The following FHIT variants were observed in gnomAD, a reference collection of about 807,000 sequenced individuals.
FHIT encodes fragile histidine triad diadenosine triphosphatase.
In FHIT, 19 loss-of-function variants were observed where a neutral mutation model predicts 17.9. That is an observed-to-expected ratio of 1.06 (90% CI 0.74 to 1.56). FHIT has a LOEUF of 1.56. FHIT is among the 40% of genes most tolerant of loss of function. FHIT has a pLI of 0.00. For missense variants in FHIT, 248 were observed against 189.2 expected (o/e 1.31, Z -1.82); for synonymous variants, 81 against 69.7 (o/e 1.16, Z -0.81).
chr3:60,557,950 A>G (rs1230668752), intron 4 of FHIT, among the ~76,000 whole-genome samples: 1 of 152,108 alleles, frequency 6.6e-6, no homozygotes, highest in African/African-American at 2.4e-5. Context: ...CATTGCAAAA[A>G]TGAGGAAGGA....
intron 3 of FHIT, among the ~76,000 whole-genome samples, chr3:60,840,627 G>T (rs1295017589): frequency 6.6e-6 from 1 of 152,150 alleles, no homozygotes; most frequent in East Asian, 1.9e-4. Context: ...ATTTAGAATT[G>T]ATTGTACACT....
intron 4 of FHIT, among the ~76,000 whole-genome samples, chr3:60,611,206 A>G (rs1553673408): frequency 6.6e-6 from 1 of 152,204 alleles, no homozygotes; most frequent in African/African-American, 2.4e-5. Flanking sequence ...AGCATGGGCT[A>G]GAAACCTGGA....
Position 60,391,009 on chromosome 3 carries a change from G to C in FHIT, c.103+145851C>G, listed in dbSNP as rs371998759. Among the ~76,000 whole-genome samples the C allele has an allele frequency of 1.2e-3, 179 of 152,112 alleles. 1 individual carries two copies. The highest frequency in any genetic ancestry group is 3.9e-3 in the African/African-American group (163 of 41,510). On this transcript the variant is annotated intron_variant, in intron 5 of 9. Transcript: ENST00000492590. ...AGCCTGGCCAACATGGTGAAACCTT[G>C]TGTGTATGTGTGTACTACAAATATA...
chr3:61,046,035 C>T (rs1169154048), intron 2 of FHIT, among the ~76,000 whole-genome samples: 2 of 152,054 alleles, frequency 1.3e-5, no homozygotes, highest in African/African-American at 4.8e-5. Context: ...CAAGAGAAAA[C>T]AGGAAAAACC....
intron 2 of FHIT, among the ~76,000 whole-genome samples, chr3:61,170,691 A>G (rs1383359874): frequency 6.6e-6 from 1 of 152,210 alleles, no homozygotes; most frequent in East Asian, 1.9e-4. Context: ...GTGTTCCTGC[A>G]AAGGACATGA....
At chr3:60,375,649 T>C (rs549361454) in intron 5 of FHIT, among the ~76,000 whole-genome samples, 1 of 152,254 alleles carries the variant, frequency 6.6e-6, no homozygotes, top group Admixed American at 6.5e-5. Context: ...GGAGTAGCAA[T>C]ACCATTCTGT....
At chr3:60,036,957 C>T (rs559840177) in intron 5 of FHIT, among the ~76,000 whole-genome samples, 1 of 152,334 alleles carries the variant, frequency 6.6e-6, no homozygotes, top group Admixed American at 6.5e-5. Context: ...TGGCTCAACA[C>T]TGGAAGAAAT....
chr3:60,309,815 C>T (rs1468679268), intron 5 of FHIT, among the ~76,000 whole-genome samples: 1 of 152,104 alleles, frequency 6.6e-6, no homozygotes, highest in Non-Finnish European at 1.5e-5. Context: ...TCGCAGCTCT[C>T]CAACTTCCTC....
chr3:60,150,063 T>A (rs1269703002), intron 5 of FHIT, among the ~76,000 whole-genome samples: 1 of 128,070 alleles, frequency 7.8e-6, no homozygotes, highest in Non-Finnish European at 1.6e-5. Flanking sequence ...TGGCGCAATC[T>A]CAGCTCACTG....
intron 5 of FHIT, among the ~76,000 whole-genome samples, chr3:60,123,989 T>C (rs1408587646): frequency 3.8e-4 from 19 of 50,114 alleles, no homozygotes; most frequent in African/African-American, 1.5e-3. Context: ...TATATATATA[T>C]ATATATATAT....
chr3:60,703,690 A>G (rs142225188), intron 4 of FHIT, among the ~76,000 whole-genome samples: 23 of 152,198 alleles, frequency 1.5e-4, no homozygotes, highest in African/African-American at 4.3e-4. Flanking sequence ...TATTTTCTCT[A>G]TAGTCTTGAA....
Position 59,987,420 on chromosome 3 carries a change from A to G in FHIT, c.279+23951T>C, listed in dbSNP as rs535653987. Among the ~76,000 whole-genome samples, 9 of 151,940 alleles carry G rather than the reference A, an allele frequency of 5.9e-5. No homozygotes were observed. In the South Asian group the frequency reaches 1.9e-3, roughly 32 times the overall value. On this transcript the variant is annotated intron_variant, in intron 7 of 9. Coordinates refer to ENST00000492590, the MANE Select transcript of FHIT (RefSeq NM_002012.4). Reference sequence around the variant, plus strand: ...TGTGTTTCTCTAAAGAGTTTTCTTGAATGGTTTCCCAAGTCCAACTTGAAA... The same window carrying G: ...TGTGTTTCTCTAAAGAGTTTTCTTGGATGGTTTCCCAAGTCCAACTTGAAA...
At chr3:60,348,749 T>C (rs1710925697) in intron 5 of FHIT, among the ~76,000 whole-genome samples, 2 of 152,238 alleles carry the variant, frequency 1.3e-5, no homozygotes, top group Admixed American at 6.5e-5. Flanking sequence ...ACTTGGCCAA[T>C]GTGATATCAG....
chr3:60,504,401 C>CAGG (rs1249796438), intron 5 of FHIT, among the ~76,000 whole-genome samples: 1 of 150,916 alleles, frequency 6.6e-6, no homozygotes, highest in Non-Finnish European at 1.5e-5. Flanking sequence ...CACTGCACTC[C>CAGG]AGCCTGGCGA....
intron 4 of FHIT, among the ~76,000 whole-genome samples, chr3:60,566,714 T>C (rs551182820): frequency 3.8e-4 from 58 of 152,150 alleles, no homozygotes; most frequent in African/African-American, 1.2e-3. Context: ...AAAACCCCAT[T>C]GTCTCAGCCC....
intron 3 of FHIT, 77 bp from the exon 4 acceptor site, chr3:60,822,088 C>T (rs1441643550): frequency 1.3e-5 from 2 of 152,100 alleles, no homozygotes; most frequent in East Asian, 1.9e-4. Flanking sequence ...TCATTAGGAA[C>T]GTTCACCATG....
In FHIT at chr3:61,207,557, T is replaced by C. The variant is rs542725961; in HGVS notation, c.-212-6892A>G. On this transcript the variant is annotated intron_variant, in intron 1 of 9. Transcript: ENST00000492590. ...TCTGGTTTAGTCTTGGGAGGGTGTA[T>C]GTGTCTGGGAATTTATCAAATTCTT... Among the ~76,000 whole-genome samples, 3 of 151,506 alleles carry C rather than the reference T, an allele frequency of 2.0e-5. 1 individual carries two copies. The highest frequency in any genetic ancestry group is 4.2e-4 in the South Asian group (2 of 4,800).
intron 3 of FHIT, among the ~76,000 whole-genome samples, chr3:60,905,304 G>C (rs1424606812): frequency 6.6e-6 from 1 of 152,142 alleles, no homozygotes; most frequent in Non-Finnish European, 1.5e-5. Flanking sequence ...TACTCTATTA[G>C]CAAACAGAGT....
Position 60,316,288 on chromosome 3 carries a change from C to A in FHIT, c.103+220572G>T, listed in dbSNP as rs907806790. Among the ~76,000 whole-genome samples the A allele has an allele frequency of 2.6e-5, 4 of 152,072 alleles. No homozygotes were observed. In the South Asian group the frequency reaches 6.2e-4, roughly 24 times the overall value. On this transcript the variant is annotated intron_variant, in intron 5 of 9. Coordinates refer to ENST00000492590, the MANE Select transcript of FHIT (RefSeq NM_002012.4). ...GCAGAAAAAATGACACTACATCCACCAGCATGATTTTTATAGATCTGCCTC... is the reference window on the plus strand; with the variant it reads ...GCAGAAAAAATGACACTACATCCACAAGCATGATTTTTATAGATCTGCCTC...
Sources: gnomAD v4.1 joint callset for allele counts (sites outside exome capture counted in the v4.1 genomes callset) on GRCh38, gnomAD v4.1.1 for gene constraint, MANE v1.5 for transcripts, NCBI Gene and HGNC (gene_info 2026-07-23, HGNC 2026-07-21) for gene names.